Variants in RPH3A observed in about 807,000 individuals in gnomAD.
The protein encoded by RPH3A is rabphilin 3A, also known as rabphilin-3A.
Under a neutral mutation model 102.2 loss-of-function variants are expected in RPH3A, and 48 were observed. The ratio of observed to expected loss-of-function variants is 0.47; its 90% CI spans 0.37 to 0.60. RPH3A has a LOEUF of 0.60. Among genes scored for constraint, RPH3A ranks in the 20% least tolerant of loss-of-function variants. The pLI, the probability that RPH3A is intolerant of heterozygous loss-of-function variation, is 0.00. For missense variants in RPH3A, 781 were observed against 910.1 expected, an observed-to-expected ratio of 0.86 and a Z score of 1.83; for synonymous variants, 310 against 324.3, an observed-to-expected ratio of 0.96 and a Z score of 0.47.
At chr12:112,716,551 GGCTCTAGTTCTGGC>G (rs2040514474) in intron 1 of RPH3A, among the ~76,000 whole-genome samples, 1 of 152,186 alleles carries the variant, frequency 6.6e-6, no homozygotes, top group African/African-American at 2.4e-5. Context: ...TCAAGGCATT[GGCTCTAGTTCTGGC>G]TCTCTAGCCA....
chr12:112,785,340 C>G (rs1404217167), intron 1 of RPH3A, among the ~76,000 whole-genome samples: 3 of 151,948 alleles, frequency 2.0e-5, no homozygotes, highest in Non-Finnish European at 4.4e-5. Flanking sequence ...GATTTCAGGG[C>G]AGATAATGCT....
At chr12:112,862,633 G>A (rs888215211) in intron 5 of RPH3A, among the ~76,000 whole-genome samples, 5 of 151,424 alleles carry the variant, frequency 3.3e-5, no homozygotes, top group East Asian at 2.0e-4. Context: ...ATTGAGAAGA[G>A]CGTGCTGCCT....
intron 5 of RPH3A, among the ~76,000 whole-genome samples, chr12:112,864,848 T>C (rs2042580613): frequency 6.6e-6 from 1 of 152,086 alleles, no homozygotes; most frequent in African/African-American, 2.4e-5. Context: ...TGGGCTGGGG[T>C]GGAGCCAAAG....
At chr12:112,864,238 G>A (rs2042569951) in intron 5 of RPH3A, among the ~76,000 whole-genome samples, 1 of 152,102 alleles carries the variant, frequency 6.6e-6, no homozygotes, top group South Asian at 2.1e-4. Context: ...GGATCACAAG[G>A]TCAGGAGATC....
intron 1 of RPH3A, among the ~76,000 whole-genome samples, chr12:112,713,004 CCTCTTCCTCTTCCTCT>C: frequency 1.4e-5 from 1 of 72,250 alleles, no homozygotes; most frequent in African/African-American, 6.2e-5. Flanking sequence ...TCTTCCTCTT[CCTCTTCCTCTTCCTCT>C]TCCTCTTCTT....
In RPH3A at chr12:112,837,082, A is replaced by G. The variant is rs574964127; in HGVS notation, c.83+580A>G. Among the ~76,000 whole-genome samples, 231 of 152,324 alleles carry G rather than the reference A, an allele frequency of 1.5e-3. 1 individual carries two copies. Among genetic ancestry groups the G allele is most frequent in the Admixed American group, 5.7e-3 (87 of 15,304 alleles). ...GATTGGATGACGGGTCCAATAAATG[A>G]GCAACCAGACTGCAAAGCAGCCCCA... is the stretch of plus-strand genomic sequence containing the variant. On this transcript the variant is annotated intron_variant, in intron 4 of 21. Coordinates refer to ENST00000389385, the MANE Select transcript of RPH3A (RefSeq NM_001143854.2).
chr12:112,598,469 T>A (rs1352194372), intron 1 of RPH3A, among the ~76,000 whole-genome samples: 1 of 152,222 alleles, frequency 6.6e-6, no homozygotes, highest in Non-Finnish European at 1.5e-5. Flanking sequence ...TTCAATGGAA[T>A]CAATAAATCA....
intron 1 of RPH3A, among the ~76,000 whole-genome samples, chr12:112,578,494 T>G (rs566071354): frequency 2.2e-4 from 34 of 152,148 alleles, no homozygotes; most frequent in Non-Finnish European, 4.9e-4. Context: ...GAGAGAAATC[T>G]GGGAAGATCT....
At chr12:112,805,213 G>A (rs563393513) in intron 2 of RPH3A, among the ~76,000 whole-genome samples, 1 of 151,994 alleles carries the variant, frequency 6.6e-6, no homozygotes, top group Non-Finnish European at 1.5e-5. Flanking sequence ...CCCTAAATTT[G>A]GAAGAAAATT....
chr12:112,718,271 TG>T (rs2136040716), intron 1 of RPH3A, among the ~76,000 whole-genome samples: 1 of 152,334 alleles, frequency 6.6e-6, no homozygotes, highest in South Asian at 2.1e-4. Flanking sequence ...TGACTCAGGT[TG>T]CATTAAGTTA....
chr12:112,731,360 C>T (rs2040633380), intron 1 of RPH3A, among the ~76,000 whole-genome samples: 1 of 152,170 alleles, frequency 6.6e-6, no homozygotes, highest in Non-Finnish European at 1.5e-5. Flanking sequence ...CCAGAAGTGA[C>T]AATCATTTTA....
At chr12:112,761,710 G>A (rs1330599152) in intron 1 of RPH3A, among the ~76,000 whole-genome samples, 5 of 152,202 alleles carry the variant, frequency 3.3e-5, no homozygotes, top group African/African-American at 9.7e-5. Context: ...AAGGACACCC[G>A]CTGATGGACA....
chr12:112,587,775 T>G (rs1193799846), intron 1 of RPH3A, among the ~76,000 whole-genome samples: 1 of 152,184 alleles, frequency 6.6e-6, no homozygotes, highest in Non-Finnish European at 1.5e-5. Flanking sequence ...AGAGCTGTGT[T>G]TAGTGCACGG....
At chr12:112,710,931 G>C (rs140118016) in intron 1 of RPH3A, among the ~76,000 whole-genome samples, 2 of 152,040 alleles carry the variant, frequency 1.3e-5, no homozygotes, top group Admixed American at 6.5e-5. Context: ...AATATTTGTT[G>C]AATGAATAAG....
intron 14 of RPH3A, among the ~76,000 whole-genome samples, chr12:112,879,556 GAAT>G (rs1315402756): frequency 1.3e-5 from 2 of 152,200 alleles, no homozygotes; most frequent in Non-Finnish European, 2.9e-5. Context: ...CATGGCCATG[GAAT>G]GGTCCCATCC....
At position 112,876,498 on chromosome 12, in the gene RPH3A, G is replaced by T. The variant is rs1680686538; in HGVS notation, c.947-144G>T. 3 of 615,436 alleles carry T rather than the reference G, an allele frequency of 4.9e-6. No individual in the cohort carries two copies. The South Asian group carries it at 7.3e-5, about 15-fold the overall frequency. 38.1% of individuals were successfully genotyped at this position (615,436 alleles called of 1,614,324 possible). On this transcript the variant is annotated intron_variant, in intron 12 of 21. Coordinates refer to ENST00000389385, the MANE Select transcript of RPH3A (RefSeq NM_001143854.2). The stretch of plus-strand genomic sequence containing the variant: ...TCTGAATCAGCTCGAGGGGCTTATT[G>T]TCAAACACAGATCCCAAGGTCCCAC...
chr12:112,735,005 T>C (rs140713827), intron 1 of RPH3A, among the ~76,000 whole-genome samples: 117 of 152,158 alleles, frequency 7.7e-4, no homozygotes, highest in African/African-American at 2.7e-3. Context: ...CTCCTGGGAG[T>C]GCAGCTTAGT....
rs1438537700 is a variant in RPH3A at position 112,847,721 on chromosome 12, C to T, written c.109C>T (p.Pro37Ser). 3 of 1,614,120 alleles carry T rather than the reference C, an allele frequency of 1.9e-6. No individual in the cohort carries two copies. Among genetic ancestry groups the T allele is most frequent in the Non-Finnish European group, 2.5e-6 (3 of 1,180,012 alleles). ...GCTCCAGGCAGGCTGGTCCGTCCAC[C>T]CCGGTGGTCAGCCTGACAGGCAGAG... is the stretch of plus-strand genomic sequence containing the variant. Reference protein sequence around the residue: ...EQLQAGWSVHPGGQPDRQRKQ... With the variant: ...EQLQAGWSVHSGGQPDRQRKQ... The change falls in exon 5 of 22, where the codon CCC becomes TCC. Residue 37 changes from proline to serine, a missense_variant. By Grantham distance (74) the Pro-to-Ser change is moderately conservative. Around this residue, in one of 2 missense-constraint regions of RPH3A, gnomAD observed 730 missense variants for 810.0 expected, o/e 0.90. Coordinates refer to ENST00000389385, the MANE Select transcript of RPH3A (RefSeq NM_001143854.2).
At chr12:112,576,173 G>A (rs546639374) in intron 1 of RPH3A, among the ~76,000 whole-genome samples, 3 of 152,330 alleles carry the variant, frequency 2.0e-5, no homozygotes, top group Admixed American at 1.3e-4. Flanking sequence ...GATCACATGA[G>A]TAGCAAGTGT....
Sources: allele counts gnomAD v4.1 joint callset (sites outside exome capture counted in the v4.1 genomes callset), GRCh38; gene constraint gnomAD v4.1.1; regional missense constraint gnomAD v4.1.1; transcripts MANE v1.5; gene names NCBI Gene and HGNC (gene_info 2026-07-23, HGNC 2026-07-21).